The following CACNB2 variants were observed in gnomAD, a reference collection of about 807,000 sequenced individuals.
CACNB2 encodes calcium voltage-gated channel auxiliary subunit beta 2.
A neutral mutation model predicts 73.3 loss-of-function variants in CACNB2; 42 were observed. The observed-to-expected ratio is 0.57, with a 90% CI of 0.45 to 0.74. The LOEUF is 0.74. Ranked by LOEUF, CACNB2 falls within the 30% of genes least tolerant of loss-of-function variation. The pLI, the probability that CACNB2 is intolerant of heterozygous loss-of-function variation, is 0.00. For missense variants in CACNB2, 940 were observed against 853.0 expected (o/e 1.10, Z -1.27); for synonymous variants, 348 against 310.3 (o/e 1.12, Z -1.28).
Position 18,205,785 on chromosome 10 carries a change from C to T in CACNB2, c.213+54810C>T, listed in dbSNP as rs138170410. Among the ~76,000 whole-genome samples the T allele has an allele frequency of 1.2e-4, 18 of 152,112 alleles. 1 individual carries two copies. Among genetic ancestry groups the T allele is most frequent in the Non-Finnish European group, 1.8e-4 (12 of 68,040 alleles). ...TGTTTCAATGTTCCCTGCTCCTCAT[C>T]AAAACCTAACTCCTCCAGTGATTTA... is the stretch of plus-strand genomic sequence containing the variant. On this transcript the variant is annotated intron_variant, in intron 2 of 13. Coordinates refer to ENST00000324631, the MANE Select transcript of CACNB2 (RefSeq NM_201596.3).
intron 2 of CACNB2, among the ~76,000 whole-genome samples, chr10:18,369,211 T>C (rs2042475762): frequency 6.6e-6 from 1 of 152,216 alleles, no homozygotes; most frequent in Admixed American, 6.5e-5. Flanking sequence ...GGCGTACTAT[T>C]TAAATTACAA....
rs77592653 is a variant in CACNB2 at position 18,337,081 on chromosome 10, C to T, written c.214-64843C>T. 4.2e-3 allele frequency among the ~76,000 whole-genome samples: 643 copies of T among 152,186 alleles called. 14 individuals are homozygous for T. The highest frequency in any genetic ancestry group is 0.037 in the East Asian group (192 of 5,178). ...ACTGTAAAAACAAATTGGTAGTCCA[C>T]TTTTTTCTTTTGCTTTTTGCTTTTC... On this transcript the variant is annotated intron_variant, in intron 2 of 13. Transcript: ENST00000324631.
At chr10:18,486,255 G>A (rs539118285) in intron 3 of CACNB2, among the ~76,000 whole-genome samples, 155 of 152,252 alleles carry the variant, frequency 1.0e-3, no homozygotes, top group Non-Finnish European at 1.8e-3. Flanking sequence ...GGTATGCATT[G>A]TGTTATAGCG....
intron 2 of CACNB2, among the ~76,000 whole-genome samples, chr10:18,201,005 G>A (rs947616305): frequency 2.6e-5 from 4 of 152,080 alleles, no homozygotes; most frequent in Non-Finnish European, 4.4e-5. Flanking sequence ...AGTATAATAG[G>A]GCTAACGTTC....
chr10:18,392,503 A>C (rs1203518236), intron 2 of CACNB2, among the ~76,000 whole-genome samples: 1 of 152,152 alleles, frequency 6.6e-6, no homozygotes, highest in Admixed American at 6.5e-5. Context: ...CAGGAAGAGA[A>C]GAGTTAGAGG....
chr10:18,306,376 T>C, intron 2 of CACNB2, among the ~76,000 whole-genome samples: 1 of 152,052 alleles, frequency 6.6e-6, no homozygotes, highest in Non-Finnish European at 1.5e-5. Context: ...TTGAAAGAAT[T>C]AAGAATTAGA....
chr10:18,175,158 T>C (rs2033504897), intron 2 of CACNB2, among the ~76,000 whole-genome samples: 2 of 152,170 alleles, frequency 1.3e-5, no homozygotes, highest in Non-Finnish European at 2.9e-5. Context: ...TTCTTAATGT[T>C]AGAAACAATA....
chr10:18,228,373 C>T (rs529620385), intron 2 of CACNB2, among the ~76,000 whole-genome samples: 2 of 125,610 alleles, frequency 1.6e-5, no homozygotes, highest in South Asian at 2.7e-4. Context: ...GCAGAGGTTG[C>T]GGTGAGCCGA....
At position 18,227,419 on chromosome 10, in the gene CACNB2, A is replaced by C. The variant is rs568879450; in HGVS notation, c.213+76444A>C. On this transcript the variant is annotated intron_variant, in intron 2 of 13. Coordinates refer to ENST00000324631, the MANE Select transcript of CACNB2 (RefSeq NM_201596.3). Reference sequence around the variant, plus strand: ...CAAAGAGAGATAGGAGAAAAAAAATACCCCAGCTCGGAATGAACTGATGGA... The same window carrying C: ...CAAAGAGAGATAGGAGAAAAAAAATCCCCCAGCTCGGAATGAACTGATGGA... 5.3e-5 allele frequency among the ~76,000 whole-genome samples: 8 copies of C among 152,102 alleles called. No individual in the cohort carries two copies. The East Asian group carries it at 1.4e-3, about 26-fold the overall frequency.
chr10:18,452,294 G>A (rs2047055037), intron 3 of CACNB2, among the ~76,000 whole-genome samples: 1 of 152,028 alleles, frequency 6.6e-6, no homozygotes, highest in Non-Finnish European at 1.5e-5. Context: ...CCCACGTGGT[G>A]GGGCATGACT....
chr10:18,384,951 G>A (rs1393997060), intron 2 of CACNB2, among the ~76,000 whole-genome samples: 2 of 151,942 alleles, frequency 1.3e-5, no homozygotes, highest in African/African-American at 4.8e-5. Flanking sequence ...TCTCAACCTT[G>A]GCTGAACAGT....
intron 2 of CACNB2, among the ~76,000 whole-genome samples, chr10:18,160,490 G>A (rs1276353754): frequency 6.6e-6 from 1 of 151,876 alleles, no homozygotes; most frequent in Non-Finnish European, 1.5e-5. Context: ...AGTCTTAGAA[G>A]TCACGCAAAC....
intron 2 of CACNB2, among the ~76,000 whole-genome samples, chr10:18,160,632 A>G (rs2131088742): frequency 6.6e-6 from 1 of 152,278 alleles, no homozygotes; most frequent in Non-Finnish European, 1.5e-5. Flanking sequence ...TGAATCATAA[A>G]CTTTTAGGAG....
chr10:18,226,591 T>A lies in CACNB2; in HGVS notation c.213+75616T>A, dbSNP rs1214910258. Among the ~76,000 whole-genome samples, 3 of 152,210 alleles carry A rather than the reference T, an allele frequency of 2.0e-5. No individual in the cohort carries two copies. The East Asian group carries it at 5.8e-4, about 29-fold the overall frequency. ...ATCTTCCTGTTTGTTGCTTCTACGA[T>A]CTGCCGGCACTTCTTGAGATTCATG... On this transcript the variant is annotated intron_variant, in intron 2 of 13. Coordinates refer to ENST00000324631, the MANE Select transcript of CACNB2 (RefSeq NM_201596.3).
At chr10:18,291,208 G>C (rs991418508) in intron 2 of CACNB2, among the ~76,000 whole-genome samples, 4 of 152,188 alleles carry the variant, frequency 2.6e-5, no homozygotes, top group Non-Finnish European at 4.4e-5. Context: ...TTTATCCTCT[G>C]AGCGGCACTA....
intron 3 of CACNB2, among the ~76,000 whole-genome samples, chr10:18,454,467 G>C (rs1287583046): frequency 6.6e-6 from 1 of 152,106 alleles, no homozygotes; most frequent in Non-Finnish European, 1.5e-5. Context: ...TCTAGGTACT[G>C]TATGTGTATC....
chr10:18,141,978 CACAT>C lies in CACNB2; in HGVS notation c.120+1126_120+1129del, dbSNP rs146433995. On this transcript the variant is annotated intron_variant, in intron 1 of 13. Transcript: ENST00000324631. ...ATACTTATATATTAATACGTAGACA[CACAT>C]ACACACACTAGAGAGCATGTTAGAG... Among the ~76,000 whole-genome samples, 591 of 152,268 alleles carry C rather than the reference CACAT, an allele frequency of 3.9e-3. 5 individuals carry two copies. Among genetic ancestry groups the C allele is most frequent in the African/African-American group, 0.013 (554 of 41,536 alleles).
rs547804393 is a variant in CACNB2, at chr10:18,540,556, TGTAA to T, written c.*839_*842del. 8 of 152,564 alleles carry T rather than the reference TGTAA, an allele frequency of 5.2e-5. No homozygotes were observed. Among genetic ancestry groups the T allele is most frequent in the South Asian group, 2.1e-4 (1 of 4,834 alleles). 9.5% of individuals were successfully genotyped at this position (152,564 alleles called of 1,614,324 possible). ...TGAATTCTGAATGTTATACCATCCTTGTAAGTAAGTTTGTAATTTCCACCATAAA... is the reference window on the plus strand; with the variant it reads ...TGAATTCTGAATGTTATACCATCCTTGTAAGTTTGTAATTTCCACCATAAA... On this transcript the variant is annotated 3_prime_UTR_variant, in exon 14 of 14. Transcript: ENST00000324631.
At chr10:18,150,510 A>G (rs2031416624) in intron 1 of CACNB2, among the ~76,000 whole-genome samples, 1 of 152,186 alleles carries the variant, frequency 6.6e-6, no homozygotes, top group Non-Finnish European at 1.5e-5. Flanking sequence ...CTGAAAATAC[A>G]AAATTAGCCA....
Sources: gnomAD v4.1 joint callset for allele counts (sites outside exome capture counted in the v4.1 genomes callset) on GRCh38, gnomAD v4.1.1 for gene constraint, MANE v1.5 for transcripts, NCBI Gene and HGNC (gene_info 2026-07-23, HGNC 2026-07-21) for gene names.